The following PDLIM5 variants were observed in gnomAD, a reference collection of about 807,000 sequenced individuals.
The protein encoded by PDLIM5 is PDZ and LIM domain 5.
A neutral mutation model predicts 64.2 loss-of-function variants in PDLIM5; 34 were observed. The observed-to-expected ratio is 0.53, with a 90% confidence interval of 0.40 to 0.71. The LOEUF (loss-of-function observed/expected upper bound fraction) is 0.71. PDLIM5 is among the 30% of genes least tolerant of loss of function. PDLIM5 has a pLI of 0.00. For synonymous variants in PDLIM5, 253 were observed against 269.1 expected, an observed-to-expected ratio of 0.94 and a Z score of 0.59; for missense variants, 683 against 733.6, an observed-to-expected ratio of 0.93 and a Z score of 0.80.
intron 3 of PDLIM5, among the ~76,000 whole-genome samples, chr4:94,548,215 A>G (rs762837891): frequency 6.6e-6 from 1 of 152,192 alleles, no homozygotes; most frequent in African/African-American, 2.4e-5. Context: ...AAGGTTACTC[A>G]TCAATAACTG....
At chr4:94,514,424 T>G (rs1009246587) in intron 2 of PDLIM5, among the ~76,000 whole-genome samples, 4 of 152,054 alleles carry the variant, frequency 2.6e-5, no homozygotes, top group Non-Finnish European at 4.4e-5. Context: ...GTGAGCCACT[T>G]CGCCTGGCCT....
intron 2 of PDLIM5, among the ~76,000 whole-genome samples, chr4:94,466,746 T>C (rs1392200235): frequency 1.3e-5 from 2 of 152,340 alleles, no homozygotes; most frequent in South Asian, 4.1e-4. Context: ...AGGTCAAGTC[T>C]TTTATAGAAG....
At chr4:94,471,229 T>C (rs1371263952) in intron 2 of PDLIM5, among the ~76,000 whole-genome samples, 1 of 152,168 alleles carries the variant, frequency 6.6e-6, no homozygotes, top group Non-Finnish European at 1.5e-5. Context: ...TCTGTGAGTT[T>C]TGGGGTATAG....
intron 3 of PDLIM5, among the ~76,000 whole-genome samples, chr4:94,541,171 G>A (rs138526995): frequency 1.6e-4 from 24 of 152,254 alleles, no homozygotes; most frequent in Non-Finnish European, 2.6e-4. Context: ...AGGGATGTAG[G>A]ATACTTAGTA....
At chr4:94,580,134 C>T (rs1735613099) in intron 5 of PDLIM5, among the ~76,000 whole-genome samples, 1 of 152,066 alleles carries the variant, frequency 6.6e-6, no homozygotes, top group African/African-American at 2.4e-5. Flanking sequence ...AACTTTCAAA[C>T]CTCACTTTTG....
intron 2 of PDLIM5, among the ~76,000 whole-genome samples, chr4:94,512,109 C>G (rs1192602306): frequency 6.6e-6 from 1 of 151,908 alleles, no homozygotes; most frequent in Non-Finnish European, 1.5e-5. Context: ...CAACGTCCAC[C>G]TCCCAGGTTC....
At chr4:94,645,512 A>G (rs1358024171) in intron 9 of PDLIM5, among the ~76,000 whole-genome samples, 1 of 152,248 alleles carries the variant, frequency 6.6e-6, no homozygotes, top group Non-Finnish European at 1.5e-5. Flanking sequence ...TAGTAGAGCC[A>G]GGGCTGGAAC....
intron 5 of PDLIM5, chr4:94,579,407 T>A (rs3805265): frequency 0.052 from 23,699 of 457,996 alleles, 918 homozygotes; most frequent in African/African-American, 0.13. Context: ...TTTAATTTTG[T>A]TGGACTGAAA....
intron 7 of PDLIM5, among the ~76,000 whole-genome samples, chr4:94,599,888 A>G (rs916046104): frequency 6.6e-6 from 1 of 152,200 alleles, no homozygotes; most frequent in Non-Finnish European, 1.5e-5. Flanking sequence ...AGAATAAGGC[A>G]TATGAAAGAA....
chr4:94,570,145 G>T (rs918839139), intron 3 of PDLIM5, among the ~76,000 whole-genome samples: 4 of 152,028 alleles, frequency 2.6e-5, no homozygotes, highest in Non-Finnish European at 1.5e-5. Context: ...GCTTAGAGAA[G>T]TATTATAATT....
intron 8 of PDLIM5, among the ~76,000 whole-genome samples, chr4:94,638,058 G>A (rs986251875): frequency 1.3e-5 from 2 of 152,186 alleles, no homozygotes; most frequent in African/African-American, 2.4e-5. Flanking sequence ...GCATCTAGGC[G>A]TTCTTGGCAA....
At chr4:94,619,792 A>T (rs75517808) in intron 8 of PDLIM5, among the ~76,000 whole-genome samples, 7,752 of 151,744 alleles carry the variant, frequency 0.051, 590 homozygotes, top group African/African-American at 0.16. Flanking sequence ...TATTATTATT[A>T]TTTTTTTTCT....
At chr4:94,510,928 GAGA>G (rs1298492162) in intron 2 of PDLIM5, among the ~76,000 whole-genome samples, 2 of 152,140 alleles carry the variant, frequency 1.3e-5, no homozygotes, top group Non-Finnish European at 2.9e-5. Context: ...GTAGCAACTG[GAGA>G]AGAATACAAA....
chr4:94,608,071 T>C, intron 7 of PDLIM5: 5 of 1,531,598 alleles, frequency 3.3e-6, no homozygotes, highest in Non-Finnish European at 4.4e-6. Flanking sequence ...TTGACAGTGC[T>C]CTGGAAGACC....
At chr4:94,633,305 A>G (rs1740301820) in intron 8 of PDLIM5, among the ~76,000 whole-genome samples, 1 of 152,202 alleles carries the variant, frequency 6.6e-6, no homozygotes, top group African/African-American at 2.4e-5. Flanking sequence ...GTTCCTTAGC[A>G]TCTTCTATAC....
At chr4:94,540,559 G>C (rs1731720161) in intron 3 of PDLIM5, among the ~76,000 whole-genome samples, 1 of 152,124 alleles carries the variant, frequency 6.6e-6, no homozygotes, top group Non-Finnish European at 1.5e-5. Context: ...AGTTAGAGGA[G>C]ACTGTTTCAC....
rs767551636 is a variant in PDLIM5 at position 94,585,571 on chromosome 4, A to G, written c.717A>G (p.Pro239=). ...TTTTTCTCCTTAACCCTAGCCCACC[A>G]AGAAAACACATTGTGGAGCGCTATA... ...QGDSKQQNGP[P]RKHIVERYTE... The change falls in exon 6 of 13, where the codon CCA becomes CCG. Residue 239 remains proline (P), a synonymous_variant. Transcript: ENST00000317968. 54 of 1,587,342 alleles carry G rather than the reference A, an allele frequency of 3.4e-5. No individual in the cohort carries two copies. The highest frequency in any genetic ancestry group is 4.6e-5 in the Non-Finnish European group (53 of 1,163,466).
At chr4:94,469,636 A>G (rs984269297) in intron 2 of PDLIM5, among the ~76,000 whole-genome samples, 8 of 151,978 alleles carry the variant, frequency 5.3e-5, no homozygotes, top group Admixed American at 1.3e-4. Flanking sequence ...TGGTAGGACA[A>G]CTCCTGGGGA....
At chr4:94,500,203 C>T (rs1477045916) in intron 2 of PDLIM5, among the ~76,000 whole-genome samples, 1 of 152,176 alleles carries the variant, frequency 6.6e-6, no homozygotes, top group African/African-American at 2.4e-5. Context: ...AGTGGTATCA[C>T]TTTGACAGTG....
Sources: gnomAD v4.1 joint callset for allele counts (sites outside exome capture counted in the v4.1 genomes callset) on GRCh38, gnomAD v4.1.1 for gene constraint, MANE v1.5 for transcripts, NCBI Gene and HGNC (gene_info 2026-07-23, HGNC 2026-07-21) for gene names.